The following RABGGTB variants were observed in gnomAD, a reference collection of about 807,000 sequenced individuals.
The protein encoded by RABGGTB is Rab geranylgeranyltransferase subunit beta, also known as geranylgeranyl transferase type-2 subunit beta.
A neutral mutation model predicts 44.5 loss-of-function variants in RABGGTB; 20 were observed. The observed-to-expected ratio is 0.45, with a 90% CI of 0.32 to 0.65. The LOEUF (loss-of-function observed/expected upper bound fraction) is 0.65. Ranked by LOEUF, RABGGTB falls within the 30% of genes least tolerant of loss-of-function variation. The pLI is 0.05. For synonymous variants in RABGGTB, 128 were observed against 136.7 expected (o/e 0.94, Z 0.44); for missense variants, 302 against 398.7 (o/e 0.76, Z 2.06).
In RABGGTB at chr1:75,787,484, T is replaced by C. The variant is rs372853318; in HGVS notation, c.4-13T>C. ...AGGTAAACATTGATGAGATTACCAC[T>C]TTATTTTGAAAGGGCACTCCACAGA... On this transcript the variant is annotated splice_polypyrimidine_tract_variant and intron_variant, in intron 1 of 8. Transcript: ENST00000319942. The C allele has an allele frequency of 1.3e-6, 2 of 1,599,260 alleles. No individual in the cohort carries two copies. The highest frequency in any genetic ancestry group is 2.7e-5 in the African/African-American group (2 of 74,590).
chr1:75,790,317 G>A, intron 4 of RABGGTB: 4 of 1,233,306 alleles, frequency 3.2e-6, no homozygotes, highest in Non-Finnish European at 4.0e-6. Context: ...GCTTTGTAAA[G>A]TTTTTTAAAA....
At chr1:75,789,136 T>G (rs1649580798) in intron 2 of RABGGTB, 23 bp from the exon 3 acceptor site, 1 of 1,601,510 alleles carries the variant, frequency 6.2e-7, no homozygotes, top group South Asian at 1.1e-5. Flanking sequence ...ATGACAGATT[T>G]AAGAAATTGT....
intron 7 of RABGGTB, among the ~76,000 whole-genome samples, chr1:75,793,172 C>T (rs1444346881): frequency 6.6e-6 from 1 of 151,898 alleles, no homozygotes; most frequent in Non-Finnish European, 1.5e-5. Context: ...AGATTTGACT[C>T]AAGGATTGTA....
Position 75,794,156 on chromosome 1 carries a change from A to G in RABGGTB, c.778A>G (p.Arg260Gly). 2 of 1,613,868 alleles carry G rather than the reference A, an allele frequency of 1.2e-6. No homozygotes were observed. Among genetic ancestry groups the G allele is most frequent in the Non-Finnish European group, 1.7e-6 (2 of 1,179,780 alleles). The change falls in exon 8 of 9, where the codon AGA becomes GGA. Residue 260 changes from arginine (R) to glycine (G), a missense_variant. Arg to Gly is a moderately radical substitution (Grantham distance 125, BLOSUM62 -2). Around this residue, in one of 2 missense-constraint regions of RABGGTB, gnomAD observed 213 missense variants for 323.7 expected, o/e 0.66. Transcript: ENST00000319942. ...AATTGGAAGACTTCATTGGATTGAT[A>G]GAGAGAAACTGCGTAATTTCATTTT... ...KIIGRLHWID[R>G]EKLRNFILAC... is the part of the protein sequence containing the mutation.
Position 75,794,492 on chromosome 1 carries a change from A to G in RABGGTB, c.856-18A>G, listed in dbSNP as rs763736941. ...AGTTTTCATTTTGTGATCTGTATAT[A>G]AATTCTTTTTTAAATAGGTGGATCC... On this transcript the variant is annotated intron_variant, in intron 8 of 8. Coordinates refer to ENST00000319942, the MANE Select transcript of RABGGTB (RefSeq NM_004582.4). 5.0e-6 allele frequency: 8 copies of G among 1,603,736 alleles called. No homozygotes were observed. The highest frequency in any genetic ancestry group is 1.1e-5 in the South Asian group (1 of 89,658).
At position 75,794,660 on chromosome 1, in the gene RABGGTB, A is replaced by C; in HGVS notation, c.*10A>C. Reference sequence around the variant, plus strand: ...TGAGCTAGTGAGCTAGATTCATTGAATTGAAAGTTGCATAGTATAGTTTTG... The same window carrying C: ...TGAGCTAGTGAGCTAGATTCATTGACTTGAAAGTTGCATAGTATAGTTTTG... On this transcript the variant is annotated 3_prime_UTR_variant, in exon 9 of 9. Transcript: ENST00000319942. 6.3e-7 allele frequency: 1 copy of C among 1,583,388 alleles called. No homozygotes were observed.
chr1:75,787,462 T>A (rs766943423), intron 1 of RABGGTB, 35 bp from the exon 2 acceptor site: 1 of 1,483,550 alleles, frequency 6.7e-7, no homozygotes, highest in South Asian at 1.1e-5. Flanking sequence ...GTTGTAGAGG[T>A]AAACATTGAT....
At chr1:75,787,229 T>C (rs1484251752) in intron 1 of RABGGTB, 10 of 627,862 alleles carry the variant, frequency 1.6e-5, no homozygotes, top group Middle Eastern at 2.7e-4. Flanking sequence ...GTTGTTGTTG[T>C]TGTTGTTTTG....
chr1:75,791,656 T>C, intron 6 of RABGGTB, 85 bp downstream of exon 6: 1 of 1,152,360 alleles, frequency 8.7e-7, no homozygotes, highest in Non-Finnish European at 1.3e-6. Flanking sequence ...TCAGTGTTTG[T>C]CAAATACACA....
chr1:75,794,114 C>T lies in RABGGTB; in HGVS notation c.736C>T (p.Leu246=). 6.2e-7 allele frequency: 1 copy of T among 1,613,506 alleles called. No individual in the cohort carries two copies. Among genetic ancestry groups the T allele is most frequent in the Non-Finnish European group, 8.5e-7 (1 of 1,179,674 alleles). The part of the protein sequence containing the change: ...LPDVCYSWWV[L]ASLKIIGRLH... The stretch of plus-strand genomic sequence containing the variant: ...AGATGTATGCTACTCATGGTGGGTC[C>T]TGGCTTCCCTAAAGATAATTGGAAG... Residue 246 remains leucine, a synonymous_variant, in exon 8 of 9, where the codon CTG becomes TTG. Coordinates refer to ENST00000319942, the MANE Select transcript of RABGGTB (RefSeq NM_004582.4).
intron 7 of RABGGTB, among the ~76,000 whole-genome samples, chr1:75,792,751 G>T (rs899255972): frequency 1.3e-5 from 2 of 152,182 alleles, no homozygotes; most frequent in African/African-American, 4.8e-5. Context: ...TAATTGTCCT[G>T]TAGAGCAAGT....
At position 75,791,995 on chromosome 1, in the gene RABGGTB, AT is replaced by A. The variant is rs1649657558; in HGVS notation, c.580-184del. The A allele has an allele frequency of 4.1e-5, 22 of 530,670 alleles. No individual in the cohort carries two copies. The East Asian group carries it at 6.2e-4, about 15-fold the overall frequency. 32.9% of individuals were successfully genotyped at this position (530,670 alleles called of 1,614,324 possible). On this transcript the variant is annotated intron_variant, in intron 6 of 8. Coordinates refer to ENST00000319942, the MANE Select transcript of RABGGTB (RefSeq NM_004582.4). ...TTTGACAATAATATTTCAGTGCAGA[AT>A]TGCATACTAGTAATAGTATGCTTGG... is the stretch of plus-strand genomic sequence containing the variant.
intron 6 of RABGGTB, chr1:75,791,809 A>G: frequency 2.1e-6 from 1 of 466,936 alleles, no homozygotes; most frequent in East Asian, 3.4e-5. Context: ...TAAGCACCAA[A>G]ACACTTTTGT....
chr1:75,791,570 A>G lies in RABGGTB; in HGVS notation c.578A>G (p.Gln193Arg). Residue 193 changes from glutamine to arginine, a missense_variant and splice_region_variant, in exon 6 of 9, where the codon CAG (glutamine) becomes CGG (arginine). By Grantham distance (43) the Gln-to-Arg change is conservative. Around this residue, in one of 2 missense-constraint regions of RABGGTB, gnomAD observed 213 missense variants for 323.7 expected, o/e 0.66. Transcript: ENST00000319942. ...CCAGGTTCTGAATCCCATGCTGGGC[A>G]GGTAATTTATGAATACAGATGAAAA... ...CRPGSESHAG[Q>R]IYCCTGFLAI... The G allele has an allele frequency of 6.2e-7, 1 of 1,602,928 alleles. No individual in the cohort carries two copies. Among genetic ancestry groups the G allele is most frequent in the Non-Finnish European group, 8.5e-7 (1 of 1,174,402 alleles).
In RABGGTB at chr1:75,792,390, A is replaced by G. The variant is rs949522648; in HGVS notation, c.705+84A>G. The G allele has an allele frequency of 7.7e-6, 12 of 1,553,594 alleles. No individual in the cohort carries two copies. In the African/African-American group the frequency reaches 1.5e-4, roughly 19 times the overall value. The stretch of plus-strand genomic sequence containing the variant: ...TTGTCTTGCCTGTTTCTATATTGTA[A>G]ATTGGCCATGAGCTTATTTATTACC... On this transcript the variant is annotated intron_variant, in intron 7 of 8. Coordinates refer to ENST00000319942, the MANE Select transcript of RABGGTB (RefSeq NM_004582.4).
intron 4 of RABGGTB, among the ~76,000 whole-genome samples, chr1:75,790,954 T>C (rs886763470): frequency 7.9e-5 from 12 of 152,180 alleles, no homozygotes; most frequent in African/African-American, 2.4e-4. Context: ...CACCTAATTT[T>C]TTTTAAAAAG....
chr1:75,790,216 G>T (rs1329520304), intron 4 of RABGGTB, 159 bp downstream of exon 4: 23 of 1,438,850 alleles, frequency 1.6e-5, no homozygotes, highest in Non-Finnish European at 2.1e-5. Flanking sequence ...ATGCACTGTG[G>T]TAGTTATATC....
Position 75,786,276 on chromosome 1 carries a change from T to C in RABGGTB, c.3+2T>C. 2.5e-6 allele frequency: 4 copies of C among 1,614,168 alleles called. No homozygotes were observed. Among genetic ancestry groups the C allele is most frequent in the Non-Finnish European group, 3.4e-6 (4 of 1,180,014 alleles). On this transcript the variant is annotated splice_donor_variant, in intron 1 of 8. Transcript: ENST00000319942. LOFTEE classifies it high-confidence loss of function. ...TCTCTCCTTTCCCTGTTAGACATGG[T>C]AAGTGTGAGTTTAGCGCTGCTGTCC...
chr1:75,791,816 T>C lies in RABGGTB; in HGVS notation c.579+245T>C, dbSNP rs374340009. On this transcript the variant is annotated intron_variant, in intron 6 of 8. Coordinates refer to ENST00000319942, the MANE Select transcript of RABGGTB (RefSeq NM_004582.4). The stretch of plus-strand genomic sequence containing the variant: ...TGGGTTTATAAGCACCAAAACACTT[T>C]TGTTTTCCATTAATTTTTCACTAAC... 714 of 454,054 alleles carry C rather than the reference T, an allele frequency of 1.6e-3. 17 individuals are homozygous for C. In the South Asian group the frequency reaches 0.027, roughly 17 times the overall value. The allele number at this position is 454,054 out of a possible 1,614,324, so 28.1% of individuals were successfully genotyped here.
Sources: allele counts gnomAD v4.1 joint callset (sites outside exome capture counted in the v4.1 genomes callset), GRCh38; gene constraint gnomAD v4.1.1; regional missense constraint gnomAD v4.1.1; transcripts MANE v1.5; gene names NCBI Gene and HGNC (gene_info 2026-07-23, HGNC 2026-07-21).